The following EDAR variants were observed in gnomAD, a reference collection of about 807,000 sequenced individuals.
The protein encoded by EDAR is ectodysplasin A receptor, also known as tumor necrosis factor receptor superfamily member EDAR.
In EDAR, 38 loss-of-function variants were observed where a neutral mutation model predicts 51.3. The observed-to-expected ratio is 0.74, with a 90% confidence interval of 0.57 to 0.97. The LOEUF is 0.97. EDAR is among the 50% of genes least tolerant of loss of function. EDAR has a pLI of 0.00. For synonymous variants in EDAR, 227 were observed against 242.1 expected (o/e 0.94, Z 0.58); for missense variants, 528 against 595.0 (o/e 0.89, Z 1.17).
chr2:108,954,495 C>G (rs1697883096), intron 1 of EDAR, among the ~76,000 whole-genome samples: 2 of 152,130 alleles, frequency 1.3e-5, no homozygotes, highest in Non-Finnish European at 2.9e-5. Context: ...AAAAGGCTCC[C>G]CACCCACTCT....
chr2:108,928,409 C>T (rs1697298403), intron 4 of EDAR, among the ~76,000 whole-genome samples: 1 of 152,162 alleles, frequency 6.6e-6, no homozygotes, highest in Admixed American at 6.5e-5. Flanking sequence ...ATGCACTAAG[C>T]TGTGGTCACC....
intron 4 of EDAR, among the ~76,000 whole-genome samples, chr2:108,923,881 G>A (rs1697199165): frequency 6.6e-6 from 1 of 152,250 alleles, no homozygotes; most frequent in Non-Finnish European, 1.5e-5. Context: ...CTGCAGCCTA[G>A]TGGGATTATA....
At chr2:108,978,047 G>T (rs760109965) in intron 1 of EDAR, among the ~76,000 whole-genome samples, 1 of 152,208 alleles carries the variant, frequency 6.6e-6, no homozygotes, top group Non-Finnish European at 1.5e-5. Context: ...GTTCAAAGTC[G>T]TTCTTCCTTC....
intron 1 of EDAR, among the ~76,000 whole-genome samples, chr2:108,964,542 A>C (rs1574408466): frequency 6.6e-6 from 1 of 152,224 alleles, no homozygotes; most frequent in Non-Finnish European, 1.5e-5. Context: ...CCAAAAGCCC[A>C]ACCAAACCAC....
intron 1 of EDAR, among the ~76,000 whole-genome samples, chr2:108,939,622 A>G (rs530158876): frequency 3.9e-5 from 6 of 152,324 alleles, no homozygotes; most frequent in African/African-American, 1.4e-4. Flanking sequence ...TAGGAAGTGC[A>G]GTCACAGTGT....
At chr2:108,975,666 G>T (rs145565645) in intron 1 of EDAR, among the ~76,000 whole-genome samples, 40 of 152,254 alleles carry the variant, frequency 2.6e-4, no homozygotes, top group Middle Eastern at 3.4e-3. Context: ...TGCGGTCTGG[G>T]AGCTAAGGAG....
chr2:108,967,051 C>T (rs1400531690), intron 1 of EDAR, among the ~76,000 whole-genome samples: 1 of 152,336 alleles, frequency 6.6e-6, no homozygotes, highest in East Asian at 1.9e-4. Context: ...TCTTCTGCCT[C>T]AGCCTCCCAA....
chr2:108,957,377 C>T (rs368640139), intron 1 of EDAR, among the ~76,000 whole-genome samples: 3 of 152,200 alleles, frequency 2.0e-5, no homozygotes, highest in African/African-American at 7.2e-5. Flanking sequence ...TTTAGGAAGT[C>T]GGGGGCAGGT....
At chr2:108,899,765 C>T (rs907091893) in intron 11 of EDAR, among the ~76,000 whole-genome samples, 2 of 151,988 alleles carry the variant, frequency 1.3e-5, no homozygotes, top group African/African-American at 2.4e-5. Flanking sequence ...GTGGGCAGAT[C>T]ACCTGAGGTC....
intron 1 of EDAR, among the ~76,000 whole-genome samples, chr2:108,979,242 A>G (rs527512237): frequency 3.3e-5 from 5 of 152,286 alleles, no homozygotes; most frequent in East Asian, 1.9e-4. Context: ...TGCGTCTTAG[A>G]GCCCAGACAT....
intron 5 of EDAR, among the ~76,000 whole-genome samples, chr2:108,921,969 G>A (rs972872907): frequency 6.6e-6 from 1 of 152,256 alleles, no homozygotes; most frequent in Admixed American, 6.5e-5. Context: ...CAAGGGCTGG[G>A]GGTGGGAGTG....
intron 10 of EDAR, among the ~76,000 whole-genome samples, chr2:108,907,082 C>T (rs1696820612): frequency 1.3e-5 from 2 of 152,236 alleles, no homozygotes; most frequent in African/African-American, 4.8e-5. Context: ...GCCACCTTTG[C>T]CCTCACCCCT....
At chr2:108,959,140 G>A (rs781337288) in intron 1 of EDAR, among the ~76,000 whole-genome samples, 24 of 152,234 alleles carry the variant, frequency 1.6e-4, no homozygotes, top group Non-Finnish European at 3.1e-4. Context: ...AGCTAGAATC[G>A]TGACTAATGG....
intron 1 of EDAR, among the ~76,000 whole-genome samples, chr2:108,963,978 C>T (rs1698102188): frequency 6.6e-6 from 1 of 152,214 alleles, no homozygotes; most frequent in Admixed American, 6.5e-5. Context: ...CAACCATCAG[C>T]TGAGGCAGCT....
intron 1 of EDAR, among the ~76,000 whole-genome samples, chr2:108,986,274 G>A (rs78855565): frequency 2.6e-5 from 4 of 152,210 alleles, no homozygotes; most frequent in East Asian, 3.9e-4. Context: ...TATCAGGAGG[G>A]TTCACAAAGA....
At chr2:108,916,575 A>G (rs1320212862) in intron 5 of EDAR, among the ~76,000 whole-genome samples, 1 of 151,772 alleles carries the variant, frequency 6.6e-6, no homozygotes, top group African/African-American at 2.4e-5. Flanking sequence ...CCCTCCAAAC[A>G]CCTCCAGCTG....
At chr2:108,933,780 G>T (rs996069181) in intron 1 of EDAR, among the ~76,000 whole-genome samples, 15 of 152,080 alleles carry the variant, frequency 9.9e-5, no homozygotes, top group African/African-American at 3.1e-4. Flanking sequence ...TCGGGGTGGC[G>T]GGGAGGCAAG....
At chr2:108,910,161 C>T (rs1225122276) in intron 9 of EDAR, among the ~76,000 whole-genome samples, 6 of 152,198 alleles carry the variant, frequency 3.9e-5, no homozygotes, top group Non-Finnish European at 5.9e-5. Context: ...ATGTTCTGCC[C>T]TCCCAGTCTG....
intron 11 of EDAR, among the ~76,000 whole-genome samples, chr2:108,904,366 T>C (rs746618328): frequency 6.6e-6 from 1 of 152,226 alleles, no homozygotes; most frequent in Non-Finnish European, 1.5e-5. Flanking sequence ...CTAGTAGGAA[T>C]GTAAAATGGT....
Sources: gnomAD v4.1 joint callset for allele counts (sites outside exome capture counted in the v4.1 genomes callset) on GRCh38, gnomAD v4.1.1 for gene constraint, MANE v1.5 for transcripts, NCBI Gene and HGNC (gene_info 2026-07-23, HGNC 2026-07-21) for gene names.